PHKA1: variants seen among roughly 807,000 people sequenced by gnomAD.
PHKA1 encodes the protein phosphorylase b kinase regulatory subunit alpha, skeletal muscle isoform.
PHKA1 carries 60 observed loss-of-function variants against 110.2 expected under a neutral mutation model. That is an observed-to-expected ratio of 0.54 (90% CI 0.44 to 0.68). The LOEUF (loss-of-function observed/expected upper bound fraction) is 0.68, where lower values mean the gene tolerates loss of function less well. PHKA1 is among the 30% of genes least tolerant of loss of function. The pLI, the probability that PHKA1 is intolerant of heterozygous loss-of-function variation, is 0.00. For missense variants in PHKA1, 801 were observed against 942.5 expected (o/e 0.85, Z 1.97); for synonymous variants, 316 against 333.6 (o/e 0.95, Z 0.58).
At chrX:72,666,482 A>G (rs2053616826) in intron 7 of PHKA1, among the ~76,000 whole-genome samples, 185 bp from the exon 8 acceptor site, 1 of 112,099 alleles carries the variant, frequency 8.9e-6, no homozygotes, top group Admixed American at 9.5e-5. Context: ...TTTAGTTTCA[A>G]AAGATTTATG....
chrX:72,631,360 A>C (rs1192433738), intron 16 of PHKA1, among the ~76,000 whole-genome samples: 1 of 111,124 alleles, frequency 9.0e-6, no homozygotes, highest in Non-Finnish European at 1.9e-5. Context: ...CTTTTGGGCG[A>C]GGATGAAAGT....
chrX:72,593,926 T>A (rs1200499114), intron 28 of PHKA1, among the ~76,000 whole-genome samples: 1 of 112,111 alleles, frequency 8.9e-6, no homozygotes, highest in Non-Finnish European at 1.9e-5. Flanking sequence ...TCATGGGCCA[T>A]AAGATGAGCC....
At chrX:72,713,701 C>CACAT (rs1491573039) in intron 1 of PHKA1, 102 bp downstream of exon 1, 3 of 613,656 alleles carry the variant, frequency 4.9e-6, no homozygotes, top group Non-Finnish European at 8.0e-6. Context: ...CACACACACA[C>CACAT]CCACACACGC....
At chrX:72,668,669 A>C (rs1203696762) in intron 6 of PHKA1, among the ~76,000 whole-genome samples, 2 of 111,632 alleles carry the variant, frequency 1.8e-5, no homozygotes, top group African/African-American at 6.5e-5. Flanking sequence ...TGAGACCTAT[A>C]GGGTAAGTAG....
chrX:72,691,411 T>G (rs2147819346), intron 4 of PHKA1, among the ~76,000 whole-genome samples: 1 of 112,335 alleles, frequency 8.9e-6, no homozygotes, highest in East Asian at 2.8e-4. Context: ...TCCATATAAA[T>G]TTTAGAAACA....
chrX:72,692,327 G>T (rs2054048734), intron 4 of PHKA1, among the ~76,000 whole-genome samples: 1 of 111,510 alleles, frequency 9.0e-6, no homozygotes, highest in Admixed American at 9.5e-5. Context: ...TGATATCTTT[G>T]TCTGGTTTTA....
At chrX:72,591,849 A>T (rs1385661981) in intron 29 of PHKA1, among the ~76,000 whole-genome samples, 2 of 112,383 alleles carry the variant, frequency 1.8e-5, no homozygotes, top group African/African-American at 6.5e-5. Context: ...TTTAAATTTT[A>T]AGTGCTTTTC....
chrX:72,680,728 G>A (rs1488080449), intron 5 of PHKA1, among the ~76,000 whole-genome samples: 3 of 99,422 alleles, frequency 3.0e-5, no homozygotes, highest in African/African-American at 1.2e-4. Context: ...AAGCGGAGCC[G>A]CTGCCGCGAC....
At chrX:72,704,058 G>T (rs1849863115) in intron 3 of PHKA1, among the ~76,000 whole-genome samples, 1 of 112,267 alleles carries the variant, frequency 8.9e-6, no homozygotes, top group Non-Finnish European at 1.9e-5. Context: ...TGTCTATAAT[G>T]TACAATAACT....
rs782120528 is a variant in PHKA1, at chrX:72,587,553, G to A, written c.3244-3251C>T. 5.4e-5 allele frequency among the ~76,000 whole-genome samples: 6 copies of A among 111,383 alleles called. 1 individual carries two copies. The highest frequency in any genetic ancestry group is 9.3e-3 in the Middle Eastern group (2 of 216). ...ACGAGCAAAATCACTAGCTAACATC[G>A]TAATGACAGGATCAAATTTACACAT... On this transcript the variant is annotated intron_variant, in intron 29 of 31. Coordinates refer to ENST00000373542, the MANE Select transcript of PHKA1 (RefSeq NM_002637.4).
At chrX:72,695,220 A>G (rs1055032768) in intron 4 of PHKA1, among the ~76,000 whole-genome samples, 4 of 111,791 alleles carry the variant, frequency 3.6e-5, no homozygotes, top group African/African-American at 1.3e-4. Context: ...TTTATAAACT[A>G]GGTATAATCG....
At chrX:72,707,515 A>G (rs2054305115) in intron 2 of PHKA1, among the ~76,000 whole-genome samples, 1 of 111,396 alleles carries the variant, frequency 9.0e-6, no homozygotes, top group Admixed American at 9.6e-5. Context: ...ACTCCCTGAG[A>G]AAAAGGGGCA....
chrX:72,651,559 A>G (rs1250370865), intron 12 of PHKA1, among the ~76,000 whole-genome samples: 2 of 111,323 alleles, frequency 1.8e-5, no homozygotes, highest in African/African-American at 6.5e-5. Flanking sequence ...AAAATAAAAT[A>G]AATTTTAAAA....
intron 8 of PHKA1, among the ~76,000 whole-genome samples, chrX:72,665,103 A>G (rs2053603369): frequency 9.0e-6 from 1 of 111,586 alleles, no homozygotes; most frequent in African/African-American, 3.2e-5. Flanking sequence ...AAAAAATACA[A>G]AAGATCAACA....
intron 12 of PHKA1, among the ~76,000 whole-genome samples, chrX:72,652,094 G>GA (rs1315493591): frequency 3.7e-5 from 4 of 109,159 alleles, no homozygotes; most frequent in Admixed American, 9.7e-5. Context: ...CCCAAGCAAA[G>GA]AAAAAAAAAG....
intron 6 of PHKA1, among the ~76,000 whole-genome samples, chrX:72,674,217 G>T (rs1387415090): frequency 9.0e-6 from 1 of 110,635 alleles, no homozygotes; most frequent in African/African-American, 3.3e-5. Context: ...TGTTGGACAT[G>T]TGGGTTGGTT....
chrX:72,601,003 C>T (rs2052651294), intron 28 of PHKA1, among the ~76,000 whole-genome samples: 1 of 111,848 alleles, frequency 8.9e-6, no homozygotes, highest in Non-Finnish European at 1.9e-5. Context: ...CTAGGAGAGG[C>T]CAAATCAGTA....
chrX:72,611,251 G>A (rs781874596), intron 21 of PHKA1, 67 bp from the exon 22 acceptor site: 31 of 892,516 alleles, frequency 3.5e-5, no homozygotes, highest in Middle Eastern at 6.1e-4. Context: ...TTTTCTTTCA[G>A]TGTTATAATG....
At chrX:72,617,865 A>G (rs1255232034) in intron 21 of PHKA1, among the ~76,000 whole-genome samples, 1 of 110,539 alleles carries the variant, frequency 9.0e-6, no homozygotes, top group Non-Finnish European at 1.9e-5. Context: ...GGAAAAGGGG[A>G]GAGTTCTTCC....
Sources: allele counts gnomAD v4.1 joint callset (sites outside exome capture counted in the v4.1 genomes callset), GRCh38; gene constraint gnomAD v4.1.1; transcripts MANE v1.5; gene names NCBI Gene and HGNC (gene_info 2026-07-23, HGNC 2026-07-21).